The following GRK7 variants were observed in gnomAD, a reference collection of about 807,000 sequenced individuals.
GRK7 encodes the protein rhodopsin kinase GRK7.
Under a neutral mutation model 34.1 loss-of-function variants are expected in GRK7, and 24 were observed. That is an observed-to-expected ratio of 0.70 (90% CI 0.51 to 0.99). GRK7 has a LOEUF of 0.99. Ranked by LOEUF, GRK7 falls within the 50% of genes least tolerant of loss-of-function variation. The pLI, the probability that GRK7 is intolerant of heterozygous loss-of-function variation, is 0.00. For synonymous variants in GRK7, 256 were observed against 279.4 expected (o/e 0.92, Z 0.84); for missense variants, 644 against 707.3 (o/e 0.91, Z 1.02).
intron 5 of GRK7, among the ~76,000 whole-genome samples, chr3:141,813,259 G>A (rs949465879): frequency 6.6e-6 from 1 of 152,084 alleles, no homozygotes; most frequent in African/African-American, 2.4e-5. Flanking sequence ...CCAAGTAACT[G>A]GGATTATAGG....
chr3:141,805,077 C>T (rs962826414), intron 4 of GRK7, among the ~76,000 whole-genome samples: 6 of 150,416 alleles, frequency 4.0e-5, no homozygotes, highest in Non-Finnish European at 7.4e-5. Context: ...CACACACACA[C>T]GCACATACAC....
chr3:141,803,797 C>A (rs1191775832), intron 4 of GRK7, among the ~76,000 whole-genome samples: 1 of 152,190 alleles, frequency 6.6e-6, no homozygotes, highest in African/African-American at 2.4e-5. Flanking sequence ...TCTCGGCTCA[C>A]TGCAACCTCT....
chr3:141,756,330 G>GT, the GRK7 span, among the ~76,000 whole-genome samples: 2 of 97,042 alleles, frequency 2.1e-5, no homozygotes, highest in African/African-American at 4.2e-5. Context: ...AAAAAAAGGT[G>GT]GGGGGGTGAA....
At chr3:141,750,462 T>C in the GRK7 span, among the ~76,000 whole-genome samples, 1 of 152,186 alleles carries the variant, frequency 6.6e-6, no homozygotes, top group Non-Finnish European at 1.5e-5. Context: ...AACTTCTCTG[T>C]GCCTGTTTCC....
At chr3:141,781,451 C>T (rs767325096) in intron 4 of GRK7, among the ~76,000 whole-genome samples, 2 of 151,102 alleles carry the variant, frequency 1.3e-5, no homozygotes, top group African/African-American at 2.4e-5. Flanking sequence ...GCAGGAGAAT[C>T]GCTTGAACCC....
chr3:141,800,380 TA>T (rs5853047), intron 4 of GRK7, among the ~76,000 whole-genome samples: 7,963 of 79,370 alleles, frequency 0.1, 189 homozygotes, highest in African/African-American at 0.11. Flanking sequence ...TTGTCATTTG[TA>T]AAAAAAAAAA....
chr3:141,790,094 C>T (rs1418209892), intron 4 of GRK7, among the ~76,000 whole-genome samples: 4 of 152,010 alleles, frequency 2.6e-5, no homozygotes, highest in African/African-American at 9.7e-5. Flanking sequence ...CTCCGTCTCC[C>T]AGGTTCAAGT....
rs143776792 is a variant in GRK7 at position 141,778,389 on chromosome 3, T to C, written c.105T>C (p.Arg35=). The C allele has an allele frequency of 2.5e-6, 4 of 1,612,052 alleles. No individual in the cohort carries two copies. Among genetic ancestry groups the C allele is most frequent in the African/African-American group, 1.3e-5 (1 of 75,032 alleles). The change falls in exon 3 of 6, where the codon CGT becomes CGC. Residue 35 remains arginine, a synonymous_variant. Transcript: ENST00000682958. The surrounding 1 kb of genome is among the most constrained non-coding windows in gnomAD (Gnocchi z 4.1). The stretch of plus-strand genomic sequence containing the variant: ...GCAAAGAGCTGCAGCGGCGGCGGCG[T>C]AGCCTGGCCCTGCCCGGGCTGCAGG... ...CDSKELQRRR[R]SLALPGLQGC...
At chr3:141,795,180 G>T (rs374449506) in intron 4 of GRK7, among the ~76,000 whole-genome samples, 2 of 152,192 alleles carry the variant, frequency 1.3e-5, no homozygotes, top group Admixed American at 6.5e-5. Context: ...AGGAGCATGC[G>T]CTAGGTAAAG....
intron 4 of GRK7, among the ~76,000 whole-genome samples, chr3:141,798,068 A>G (rs959016453): frequency 2.0e-5 from 3 of 152,208 alleles, no homozygotes; most frequent in African/African-American, 7.2e-5. Flanking sequence ...AGTTCGGTTC[A>G]GAGTGACAGC....
chr3:141,812,974 G>A (rs1235137862), intron 5 of GRK7, among the ~76,000 whole-genome samples: 1 of 152,076 alleles, frequency 6.6e-6, no homozygotes, highest in Admixed American at 6.6e-5. Context: ...GAGACATGCA[G>A]GTCTGGGGCT....
chr3:141,808,396 C>T (rs533004283), intron 5 of GRK7, among the ~76,000 whole-genome samples: 65 of 152,196 alleles, frequency 4.3e-4, no homozygotes, highest in Middle Eastern at 6.8e-3. Flanking sequence ...ATATGAGGTA[C>T]CTAGAGTAGT....
chr3:141,791,142 A>G (rs1559843786), intron 4 of GRK7, among the ~76,000 whole-genome samples: 1 of 152,230 alleles, frequency 6.6e-6, no homozygotes, highest in Admixed American at 6.5e-5. Context: ...TTACATGTTT[A>G]GATACCTGGT....
chr3:141,782,264 G>A (rs2084675337), intron 4 of GRK7, among the ~76,000 whole-genome samples: 2 of 152,190 alleles, frequency 1.3e-5, no homozygotes, highest in South Asian at 4.1e-4. Flanking sequence ...ATGGGGGTCT[G>A]TACAGGACAG....
At position 141,808,051 on chromosome 3, in the gene GRK7, T is replaced by C. The variant is rs900482707; in HGVS notation, c.1325+132T>C. 1.6e-5 allele frequency: 12 copies of C among 755,894 alleles called. No homozygotes were observed. The African/African-American group carries it at 1.9e-4, about 12-fold the overall frequency. The allele number at this position is 755,894 out of a possible 1,614,324, so 46.8% of individuals were successfully genotyped here. ...TTCTTATTTTTATTTGCATATTATATGGTTAAACATTTCTAATACTTTCAA... is the reference window on the plus strand; with the variant it reads ...TTCTTATTTTTATTTGCATATTATACGGTTAAACATTTCTAATACTTTCAA... On this transcript the variant is annotated intron_variant, in intron 5 of 5. Coordinates refer to ENST00000682958, the MANE Select transcript of GRK7 (RefSeq NM_139209.3).
chr3:141,764,025 T>C lies in GRK7; in HGVS notation c.-1928T>C, dbSNP rs2107869293. ...TTCATTGCTGCTCTCCTTCCTTCCC[T>C]AAAAACACCCAGCTTTGAGTCTCAT... On this transcript the variant is annotated 5_prime_UTR_variant, in exon 1 of 6. Transcript: ENST00000682958. Among the ~76,000 whole-genome samples, 1 of 152,258 alleles carries C rather than the reference T, an allele frequency of 6.6e-6. No homozygotes were observed. Among genetic ancestry groups the C allele is most frequent in the East Asian group, 1.9e-4 (1 of 5,176 alleles).
At chr3:141,787,400 G>A (rs953047736) in intron 4 of GRK7, among the ~76,000 whole-genome samples, 1 of 152,090 alleles carries the variant, frequency 6.6e-6, no homozygotes, top group Non-Finnish European at 1.5e-5. Context: ...GAGGCGGGTG[G>A]ATCACCTGAG....
chr3:141,798,488 G>C (rs1213608183), intron 4 of GRK7, among the ~76,000 whole-genome samples: 2 of 152,148 alleles, frequency 1.3e-5, no homozygotes, highest in African/African-American at 4.8e-5. Flanking sequence ...CCTCCACTAA[G>C]AGGTGCTGAT....
intron 4 of GRK7, among the ~76,000 whole-genome samples, chr3:141,787,382 G>A (rs2084702200): frequency 6.6e-6 from 1 of 152,178 alleles, no homozygotes; most frequent in African/African-American, 2.4e-5. Flanking sequence ...CCAGCAGTTT[G>A]GGAGGCTGAG....
Sources: allele counts gnomAD v4.1 joint callset (sites outside exome capture counted in the v4.1 genomes callset), GRCh38; gene constraint gnomAD v4.1.1; non-coding constraint Gnocchi (gnomAD v3.1); transcripts MANE v1.5; gene names NCBI Gene and HGNC (gene_info 2026-07-23, HGNC 2026-07-21).